The following LILRB2 variants were observed in gnomAD, a reference collection of about 807,000 sequenced individuals.
LILRB2 encodes the protein leukocyte immunoglobulin like receptor B2.
Under a neutral mutation model 72.7 loss-of-function variants are expected in LILRB2, and 47 were observed. The ratio of observed to expected loss-of-function variants is 0.65; its 90% CI spans 0.51 to 0.82. The LOEUF is 0.82. Ranked by LOEUF, LILRB2 falls within the 40% of genes least tolerant of loss-of-function variation. The pLI, the probability that LILRB2 is intolerant of heterozygous loss-of-function variation, is 0.00. For synonymous variants in LILRB2, 279 were observed against 313.7 expected (o/e 0.89, Z 1.17); for missense variants, 767 against 764.8 (o/e 1.00, Z -0.03).
chr19:54,274,836 C>T lies in LILRB2; in HGVS notation c.1648-7G>A, dbSNP rs370555531. On this transcript the variant is annotated splice_region_variant and splice_polypyrimidine_tract_variant and intron_variant, in intron 13 of 13. Transcript: ENST00000314446. ...GGGCTTCAGATGCAGCAGCCTGCAG[C>T]GGGGGAGAGTGAGAGGTAAGGAACG... 5.4e-4 allele frequency: 610 copies of T among 1,133,286 alleles called. 1 individual carries two copies. Among genetic ancestry groups the T allele is most frequent in the Non-Finnish European group, 6.3e-4 (557 of 886,136 alleles). 70.2% of individuals were successfully genotyped at this position (1,133,286 alleles called of 1,614,324 possible).
intron 10 of LILRB2, 175 bp downstream of exon 10, chr19:54,276,632 G>C: frequency 7.0e-7 from 1 of 1,429,462 alleles, no homozygotes. Flanking sequence ...GACTGAGCCC[G>C]GAGGACACTT....
intron 4 of LILRB2, 35 bp from the exon 5 acceptor site, chr19:54,279,682 T>C: frequency 1.3e-6 from 2 of 1,595,838 alleles, no homozygotes; most frequent in South Asian, 2.2e-5. Flanking sequence ...TAAATGGGGC[T>C]CCCACCTCCC....
chr19:54,280,690 A>G (rs1423278311), intron 1 of LILRB2, 146 bp from the exon 2 acceptor site: 2 of 598,752 alleles, frequency 3.3e-6, no homozygotes, highest in East Asian at 6.2e-5. Context: ...CCTGACTCTC[A>G]TTCTTTTAGA....
chr19:54,274,964 C>A (rs1325376512), intron 13 of LILRB2, 135 bp from the exon 14 acceptor site: 5 of 1,610,184 alleles, frequency 3.1e-6, no homozygotes, highest in Middle Eastern at 2.2e-4. Context: ...TCCAGGAATT[C>A]CCCGGACAGT....
At chr19:54,276,604 CTT>C in intron 10 of LILRB2, 148 bp from the exon 11 acceptor site, 17 of 1,438,674 alleles carry the variant, frequency 1.2e-5, no homozygotes, top group Non-Finnish European at 1.3e-5. Context: ...CCGAAGGACA[CTT>C]TACATTTGTA....
In LILRB2 at chr19:54,274,421, G is replaced by T; in HGVS notation, c.*262C>A. On this transcript the variant is annotated 3_prime_UTR_variant, in exon 14 of 14. Coordinates refer to ENST00000314446, the MANE Select transcript of LILRB2 (RefSeq NM_001080978.4). The stretch of plus-strand genomic sequence containing the variant: ...TATTTATATTGTGATTCAGTTTAAA[G>T]CACATTCTTACTTCTGATTTTAGTT... The T allele has an allele frequency of 1.8e-6, 1 of 552,508 alleles. No homozygotes were observed. Among genetic ancestry groups the T allele is most frequent in the Admixed American group, 3.3e-5 (1 of 30,024 alleles). 34.2% of individuals were successfully genotyped at this position (552,508 alleles called of 1,614,324 possible).
Position 54,276,856 on chromosome 19 carries a change from G to T in LILRB2, c.1431C>A (p.Leu477=). The change falls in exon 10 of 14, where the codon CTC becomes CTA. Residue 477 remains leucine (L), a synonymous_variant. Transcript: ENST00000314446. The stretch of plus-strand genomic sequence containing the variant: ...GTCGATGTCGGAGGATGAGGAAGAG[G>T]AGGAGGAGGAGGAGGAGCAGTAGGA... The part of the protein sequence containing the change: ...AVVLLLLLLL[L]LFLILRHRRQ... 1.1e-5 allele frequency: 18 copies of T among 1,612,990 alleles called. No individual in the cohort carries two copies. Among genetic ancestry groups the T allele is most frequent in the Non-Finnish European group, 1.5e-5 (18 of 1,179,182 alleles).
At chr19:54,279,286 A>G in intron 5 of LILRB2, 59 bp downstream of exon 5, 1 of 1,568,380 alleles carries the variant, frequency 6.4e-7, no homozygotes, top group East Asian at 2.2e-5. Context: ...GCTGCTCCCC[A>G]CCTGCCTGGA....
Position 54,278,564 on chromosome 19 carries a change from T to G in LILRB2, c.956-2A>C, listed in dbSNP as rs1283782346. ...TGAAGGGTGTGCCACGGATCTGTCC[T>G]GGAGAGAAGAAGGATGGGTGAGGGG... On this transcript the variant is annotated splice_acceptor_variant, in intron 6 of 13. Coordinates refer to ENST00000314446, the MANE Select transcript of LILRB2 (RefSeq NM_001080978.4). LOFTEE classifies it high-confidence loss of function. 12 of 1,613,516 alleles carry G rather than the reference T, an allele frequency of 7.4e-6. No individual in the cohort carries two copies. The highest frequency in any genetic ancestry group is 9.3e-6 in the Non-Finnish European group (11 of 1,179,516).
chr19:54,278,349 T>C lies in LILRB2; in HGVS notation c.1169A>G (p.His390Arg). ...EFPMSPVTSA[H>R]AGTYRCYGSL... ...GCCGTAGCACCTGTAGGTCCCCGCG[T>C]GGGCTGAGGTCACAGGACTCATGGG... The change falls in exon 7 of 14, where the codon CAC becomes CGC. Residue 390 changes from histidine (H) to arginine (R), a missense_variant. Physicochemically the swap from His to Arg is conservative, Grantham distance 29. Around this residue, in one of 3 missense-constraint regions of LILRB2, gnomAD observed 599 missense variants for 568.2 expected, o/e 1.05. Coordinates refer to ENST00000314446, the MANE Select transcript of LILRB2 (RefSeq NM_001080978.4). The C allele has an allele frequency of 6.2e-7, 1 of 1,614,184 alleles. No homozygotes were observed. The highest frequency in any genetic ancestry group is 8.5e-7 in the Non-Finnish European group (1 of 1,180,020).
intron 9 of LILRB2, chr19:54,277,177 T>C (rs1263451237): frequency 5.3e-6 from 8 of 1,519,922 alleles, no homozygotes; most frequent in African/African-American, 1.4e-5. Flanking sequence ...CCTGCAGCCC[T>C]TGTTCCTGCA....
intron 13 of LILRB2, chr19:54,275,112 T>C (rs1025141603): frequency 3.3e-4 from 518 of 1,569,812 alleles, no homozygotes; most frequent in Non-Finnish European, 4.1e-4. Flanking sequence ...CCCCCTGACC[T>C]CCTGGAGTCA....
chr19:54,276,045 C>G, intron 12 of LILRB2, 42 bp from the exon 13 acceptor site: 1 of 1,608,634 alleles, frequency 6.2e-7, no homozygotes, highest in Non-Finnish European at 8.5e-7. Context: ...GGGAAGGTTC[C>G]CTGGGACCTC....
Position 54,278,847 on chromosome 19 carries a change from G to A in LILRB2, c.920C>T (p.Ser307Leu), listed in dbSNP as rs772628608. 4.3e-6 allele frequency: 7 copies of A among 1,612,902 alleles called. No homozygotes were observed. Among genetic ancestry groups the A allele is most frequent in the South Asian group, 3.3e-5 (3 of 91,062 alleles). ...GATGTCCAGGGGGTCGCTGGGGGCCGAGCACTCAGAGGAGAGGTTGTGTGC... is the reference window on the plus strand; with the variant it reads ...GATGTCCAGGGGGTCGCTGGGGGCCAAGCACTCAGAGGAGAGGTTGTGTGC... The part of the protein sequence containing the change: ...YGAHNLSSEC[S>L]APSDPLDILI... Residue 307 changes from serine (S) to leucine (L), a missense_variant, in exon 6 of 14, where the codon TCG becomes TTG. Around this residue, in one of 3 missense-constraint regions of LILRB2, gnomAD observed 599 missense variants for 568.2 expected, o/e 1.05. Transcript: ENST00000314446.
At position 54,279,125 on chromosome 19, in the gene LILRB2, A is replaced by T; in HGVS notation, c.659-17T>A. 1 of 1,607,096 alleles carries T rather than the reference A, an allele frequency of 6.2e-7. No individual in the cohort carries two copies. Among genetic ancestry groups the T allele is most frequent in the South Asian group, 1.1e-5 (1 of 90,626 alleles). On this transcript the variant is annotated splice_polypyrimidine_tract_variant and intron_variant, in intron 5 of 13. Coordinates refer to ENST00000314446, the MANE Select transcript of LILRB2 (RefSeq NM_001080978.4). ...TAGAAACACCTGGGAAAAGGTGCTC[A>T]TGGTTTCCAGGAGCCGACCCTCAGG...
Position 54,280,288 on chromosome 19 carries a change from C to T in LILRB2, c.46G>A (p.Gly16Ser), listed in dbSNP as rs772194906. ...CCTGTCTGCACGCGGGTCCTGGGGC[C>T]CAGACTCAGCCCTGGAAGAGAGTTC... is the stretch of plus-strand genomic sequence containing the variant. ...TVLICLGLSL[G>S]PRTRVQTGTI... Residue 16 changes from glycine (G) to serine (S), a missense_variant, in exon 3 of 14, where the codon GGC (glycine) becomes AGC (serine). By Grantham distance (56) the Gly-to-Ser change is moderately conservative. Around this residue, in one of 3 missense-constraint regions of LILRB2, gnomAD observed 599 missense variants for 568.2 expected, o/e 1.05. Coordinates refer to ENST00000314446, the MANE Select transcript of LILRB2 (RefSeq NM_001080978.4). 3.7e-6 allele frequency: 6 copies of T among 1,614,054 alleles called. No individual in the cohort carries two copies. In the Admixed American group the frequency reaches 1.0e-4, roughly 27 times the overall value.
rs1162379639 is a variant in LILRB2 at position 54,276,290 on chromosome 19, G to T, written c.1568C>A (p.Ala523Asp). 2 of 1,614,114 alleles carry T rather than the reference G, an allele frequency of 1.2e-6. No individual in the cohort carries two copies. The highest frequency in any genetic ancestry group is 3.3e-5 in the Admixed American group (2 of 60,020). ...GAGGTTTTCTTCCTGGGCGTCGGCA[G>T]CTGGGCTGGACCTGGGGGAGGAATG... ...DRGLQWRSSP[A>D]ADAQEENLYA... The change falls in exon 12 of 14, where the codon GCT (alanine) becomes GAT (aspartate). Residue 523 changes from alanine (A) to aspartate (D), a missense_variant. Physicochemically the swap from Ala to Asp is moderately radical, Grantham distance 126. This residue lies in a region of LILRB2 where 162 missense variants were observed against 176.7 expected (regional missense o/e 0.92). Transcript: ENST00000314446.
In LILRB2 at chr19:54,277,891, G is replaced by A. The variant is rs1414658225; in HGVS notation, c.1307C>T (p.Pro436Leu). 12 of 1,548,106 alleles carry A rather than the reference G, an allele frequency of 7.8e-6. No homozygotes were observed. Among genetic ancestry groups the A allele is most frequent in the Non-Finnish European group, 1.0e-5 (12 of 1,144,650 alleles). The stretch of plus-strand genomic sequence containing the variant: ...AGCCAGAGGCCTCAGGGACTCACCA[G>A]GTGTGGAGATGGGACCGGTGGGTGG... ...SPPPTGPIST[P>L]GPEDQPLTPT... Residue 436 changes from proline to leucine, a missense_variant and splice_region_variant, in exon 8 of 14, where the codon CCT (proline) becomes CTT (leucine). Physicochemically the swap from Pro to Leu is moderately conservative, Grantham distance 98 (BLOSUM62 -3). Around this residue, in one of 3 missense-constraint regions of LILRB2, gnomAD observed 599 missense variants for 568.2 expected, o/e 1.05. Transcript: ENST00000314446.
In LILRB2 at chr19:54,274,801, A is replaced by G. The variant is rs1223847119; in HGVS notation, c.1676T>C (p.Val559Ala). 6.2e-7 allele frequency: 1 copy of G among 1,609,696 alleles called. No homozygotes were observed. The highest frequency in any genetic ancestry group is 8.5e-7 in the Non-Finnish European group (1 of 1,178,968). Residue 559 changes from valine (V) to alanine (A), a missense_variant, in exon 14 of 14, where the codon GTG (valine) becomes GCG (alanine). Transcript: ENST00000314446. Reference sequence around the variant, plus strand: ...CAAGCTGTGCAGCTGGGCGTAGGTCACATCCTGGGGGGCTTCAGATGCAGC... The same window carrying G: ...CAAGCTGTGCAGCTGGGCGTAGGTCGCATCCTGGGGGGCTTCAGATGCAGC... ...RAAASEAPQD[V>A]TYAQLHSLTL...
Sources: gnomAD v4.1 joint callset for allele counts on GRCh38, gnomAD v4.1.1 for gene constraint, gnomAD v4.1.1 regional missense constraint, MANE v1.5 for transcripts, NCBI Gene and HGNC (gene_info 2026-07-23, HGNC 2026-07-21) for gene names.